Variants in FOXP2 observed in about 807,000 individuals in gnomAD.
FOXP2 encodes the protein forkhead box protein P2.
FOXP2 carries 12 observed loss-of-function variants against 115.8 expected under a neutral mutation model. The ratio of observed to expected loss-of-function variants is 0.10; its 90% CI spans 0.07 to 0.17. FOXP2 has a LOEUF of 0.17. Among genes scored for constraint, FOXP2 ranks in the 10% least tolerant of loss-of-function variants. The pLI, the probability that FOXP2 is intolerant of heterozygous loss-of-function variation, is 1.00. For synonymous variants in FOXP2, 328 were observed against 297.7 expected (o/e 1.10, Z -1.05); for missense variants, 629 against 843.5 (o/e 0.75, Z 3.15).
intron 2 of FOXP2, among the ~76,000 whole-genome samples, chr7:114,405,481 T>C (rs1170068355): frequency 6.6e-6 from 1 of 151,858 alleles, no homozygotes; most frequent in African/African-American, 2.4e-5. Context: ...AATTTTGCTT[T>C]TAGGAAGAAA....
chr7:114,184,316 C>A (rs1584530492), intron 1 of FOXP2, among the ~76,000 whole-genome samples: 1 of 152,216 alleles, frequency 6.6e-6, no homozygotes, highest in Non-Finnish European at 1.5e-5. Flanking sequence ...GTAGTTTACT[C>A]AAAATGGCTG....
chr7:114,241,447 T>G (rs1038988781), intron 1 of FOXP2, among the ~76,000 whole-genome samples: 12 of 152,222 alleles, frequency 7.9e-5, no homozygotes, highest in African/African-American at 2.9e-4. Context: ...TGAATTTAAG[T>G]CATGCACAAA....
intron 1 of FOXP2, among the ~76,000 whole-genome samples, chr7:114,192,859 A>G (rs1793797878): frequency 6.6e-6 from 1 of 152,208 alleles, no homozygotes; most frequent in East Asian, 1.9e-4. Context: ...GGAATTCTCA[A>G]CACCTTAGTA....
chr7:114,631,954 T>C (rs1027552584), intron 6 of FOXP2, among the ~76,000 whole-genome samples: 3 of 152,224 alleles, frequency 2.0e-5, no homozygotes, highest in African/African-American at 7.2e-5. Flanking sequence ...ATTAGTCTTA[T>C]GGGCACAAAA....
intron 1 of FOXP2, among the ~76,000 whole-genome samples, chr7:114,217,843 A>G (rs930246719): frequency 5.3e-5 from 8 of 152,224 alleles, no homozygotes; most frequent in Admixed American, 3.3e-4. Flanking sequence ...AATGAAATCT[A>G]TATGGGAAAG....
At chr7:114,292,588 T>C (rs1404608277) in intron 2 of FOXP2, among the ~76,000 whole-genome samples, 1 of 152,184 alleles carries the variant, frequency 6.6e-6, no homozygotes, top group Admixed American at 6.6e-5. Flanking sequence ...ATTGTTTCTG[T>C]CCCATTCTTT....
chr7:114,086,683 G>T, upstream of FOXP2: 1 of 270,174 alleles, frequency 3.7e-6, no homozygotes, highest in Non-Finnish European at 7.4e-6. Flanking sequence ...CCTCCACGCT[G>T]GGCCGAGCTG....
At chr7:114,373,000 T>C (rs941939384) in intron 2 of FOXP2, among the ~76,000 whole-genome samples, 5 of 146,028 alleles carry the variant, frequency 3.4e-5, no homozygotes, top group African/African-American at 1.3e-4. Context: ...ATAAAACTTC[T>C]TTTTTTTTTT....
chr7:114,551,750 G>T lies in FOXP2; in HGVS notation c.258+17044G>T, dbSNP rs190971923. ...TTTAATAATTTTTTTACATTAAAAA[G>T]ATTATCATGCTAAGAGTGGCAGGTA... is the stretch of plus-strand genomic sequence containing the variant. On this transcript the variant is annotated intron_variant, in intron 3 of 16. Transcript: ENST00000350908. Among the ~76,000 whole-genome samples, 256 of 152,220 alleles carry T rather than the reference G, an allele frequency of 1.7e-3. 2 individuals are homozygous for T. The highest frequency in any genetic ancestry group is 5.9e-3 in the African/African-American group (247 of 41,542).
chr7:114,221,744 G>T (rs879513019), intron 1 of FOXP2, among the ~76,000 whole-genome samples: 1 of 152,186 alleles, frequency 6.6e-6, no homozygotes, highest in South Asian at 2.1e-4. Flanking sequence ...TTGTGTGCAT[G>T]ATAATGAAGA....
chr7:114,252,602 G>T (rs1795481523), intron 1 of FOXP2, among the ~76,000 whole-genome samples: 2 of 152,276 alleles, frequency 1.3e-5, no homozygotes, highest in East Asian at 1.9e-4. Flanking sequence ...AGCATTCTCT[G>T]ATGTTAGTTT....
chr7:114,372,497 C>G (rs1041374033), intron 2 of FOXP2, among the ~76,000 whole-genome samples: 13 of 152,120 alleles, frequency 8.5e-5, no homozygotes, highest in South Asian at 6.2e-4. Flanking sequence ...AAAATAAAAA[C>G]TATTTTAAAA....
At chr7:114,552,536 TGAGTTA>T (rs1420724105) in intron 3 of FOXP2, among the ~76,000 whole-genome samples, 2 of 152,192 alleles carry the variant, frequency 1.3e-5, no homozygotes, top group East Asian at 3.8e-4. Context: ...ACTTTGATAA[TGAGTTA>T]GTTTTCCCCT....
chr7:114,210,880 G>A (rs187155307), intron 1 of FOXP2, among the ~76,000 whole-genome samples: 1 of 152,282 alleles, frequency 6.6e-6, no homozygotes, highest in East Asian at 1.9e-4. Flanking sequence ...CAGTGAGGAG[G>A]AAATCGATCG....
intron 2 of FOXP2, among the ~76,000 whole-genome samples, chr7:114,460,273 G>T (rs1795506866): frequency 6.6e-6 from 1 of 152,210 alleles, no homozygotes; most frequent in South Asian, 2.1e-4. Context: ...AGTAAGTTAG[G>T]TTTGTTTAGT....
chr7:114,352,593 A>T (rs1791519893), intron 2 of FOXP2, among the ~76,000 whole-genome samples: 1 of 152,166 alleles, frequency 6.6e-6, no homozygotes. Flanking sequence ...GAAGCCCTTG[A>T]TTAAAGTGTT....
intron 16 of FOXP2, 31 bp from the exon 17 acceptor site, chr7:114,689,751 T>C (rs778951988): frequency 6.2e-7 from 1 of 1,612,372 alleles, no homozygotes; most frequent in Admixed American, 1.7e-5. Flanking sequence ...GCTTACTTAG[T>C]AAAATTTTGG....
At chr7:114,531,207 G>T (rs1004364099) in intron 2 of FOXP2, among the ~76,000 whole-genome samples, 5 of 151,750 alleles carry the variant, frequency 3.3e-5, no homozygotes, top group Admixed American at 1.3e-4. Flanking sequence ...ATTAATTTTT[G>T]TGGGGGAGGG....
upstream of FOXP2, among the ~76,000 whole-genome samples, chr7:114,410,754 A>G (rs763283888): frequency 1.3e-5 from 2 of 152,072 alleles, no homozygotes; most frequent in Non-Finnish European, 2.9e-5. Context: ...GATATGTTAT[A>G]GCTATACACA....
Sources: gnomAD v4.1 joint callset for allele counts (sites outside exome capture counted in the v4.1 genomes callset) on GRCh38, gnomAD v4.1.1 for gene constraint, MANE v1.5 for transcripts, NCBI Gene and HGNC (gene_info 2026-07-23, HGNC 2026-07-21) for gene names.